The following TMPRSS11D variants were observed in gnomAD, a reference collection of about 807,000 sequenced individuals.
TMPRSS11D encodes transmembrane serine protease 11D.
Under a neutral mutation model 44.4 loss-of-function variants are expected in TMPRSS11D, and 32 were observed. The observed-to-expected ratio is 0.72, with a 90% CI of 0.54 to 0.97. The LOEUF (loss-of-function observed/expected upper bound fraction) is 0.97, where lower values mean the gene tolerates loss of function less well. TMPRSS11D is among the 50% of genes least tolerant of loss of function. TMPRSS11D has a pLI of 0.00. For missense variants in TMPRSS11D, 446 were observed against 502.6 expected (o/e 0.89, Z 1.08); for synonymous variants, 179 against 177.9 (o/e 1.01, Z -0.05).
chr4:67,847,369 C>G (rs1353349945), intron 3 of TMPRSS11D, among the ~76,000 whole-genome samples: 1 of 152,176 alleles, frequency 6.6e-6, no homozygotes, highest in Non-Finnish European at 1.5e-5. Flanking sequence ...CTGTCATTAT[C>G]TTACTGTTCA....
Position 67,883,986 on chromosome 4 carries a change from T to A in TMPRSS11D, c.-53A>T. ...TTCTGCCTACTCAACTGCTTTGAGA[T>A]TCCCACTCAAATGAATGACTCTCAT... On this transcript the variant is annotated 5_prime_UTR_variant, in exon 1 of 10. Transcript: ENST00000283916. 1.3e-6 allele frequency: 2 copies of A among 1,546,442 alleles called. No individual in the cohort carries two copies. Among genetic ancestry groups the A allele is most frequent in the African/African-American group, 1.4e-5 (1 of 72,338 alleles).
chr4:67,873,041 A>G (rs2109701385), intron 1 of TMPRSS11D, among the ~76,000 whole-genome samples: 1 of 152,326 alleles, frequency 6.6e-6, no homozygotes, highest in South Asian at 2.1e-4. Flanking sequence ...ACATATTTTC[A>G]TCAACTGTCA....
chr4:67,834,590 G>T (rs1718029087), intron 6 of TMPRSS11D, among the ~76,000 whole-genome samples: 1 of 152,130 alleles, frequency 6.6e-6, no homozygotes, highest in Non-Finnish European at 1.5e-5. Flanking sequence ...TACATAGGAT[G>T]ATGTTGAAGA....
chr4:67,846,748 A>C (rs1718367612), intron 3 of TMPRSS11D, among the ~76,000 whole-genome samples: 1 of 151,744 alleles, frequency 6.6e-6, no homozygotes. Flanking sequence ...CTTTTCTCCC[A>C]AATTTTTATG....
chr4:67,873,908 G>A (rs533488096), intron 1 of TMPRSS11D, among the ~76,000 whole-genome samples: 129 of 152,170 alleles, frequency 8.5e-4, no homozygotes, highest in African/African-American at 3.0e-3. Context: ...AATGTTCAAA[G>A]CCTTAACTTA....
chr4:67,850,582 C>T (rs1368142090), intron 3 of TMPRSS11D, among the ~76,000 whole-genome samples: 3 of 152,144 alleles, frequency 2.0e-5, no homozygotes, highest in Non-Finnish European at 2.9e-5. Context: ...CAGGGAAGCG[C>T]AGCAGCAAGG....
chr4:67,881,932 A>G (rs1232749498), intron 1 of TMPRSS11D, among the ~76,000 whole-genome samples: 1 of 152,304 alleles, frequency 6.6e-6, no homozygotes, highest in East Asian at 1.9e-4. Context: ...ATAAATCTTT[A>G]TCCTATTTCC....
At chr4:67,850,894 A>T (rs1205904379) in intron 3 of TMPRSS11D, among the ~76,000 whole-genome samples, 2 of 152,202 alleles carry the variant, frequency 1.3e-5, no homozygotes. Context: ...CAACTTATAG[A>T]TGACTGCACA....
At chr4:67,842,269 G>T (rs1047155509) in intron 4 of TMPRSS11D, among the ~76,000 whole-genome samples, 1 of 152,122 alleles carries the variant, frequency 6.6e-6, no homozygotes, top group Non-Finnish European at 1.5e-5. Context: ...GATATCCACT[G>T]GAGTTTTACA....
In TMPRSS11D at chr4:67,822,446, A is replaced by G; in HGVS notation, c.1148T>C (p.Ile383Thr). ...VQEDSRRLWF[I>T]VGIVSWGDQC... ...ATCTCCCCAGCTTACTATCCCCACAATAAACCAAAGCCGCCGTGAGTCTTC... is the reference window on the plus strand; with the variant it reads ...ATCTCCCCAGCTTACTATCCCCACAGTAAACCAAAGCCGCCGTGAGTCTTC... The change falls in exon 10 of 10, where the codon ATT becomes ACT. Residue 383 changes from isoleucine to threonine, a missense_variant. Coordinates refer to ENST00000283916, the MANE Select transcript of TMPRSS11D (RefSeq NM_004262.3). 1.2e-6 allele frequency: 2 copies of G among 1,613,926 alleles called. No individual in the cohort carries two copies. The highest frequency in any genetic ancestry group is 2.2e-5 in the East Asian group (1 of 44,862).
At chr4:67,841,431 C>T (rs561391606) in intron 4 of TMPRSS11D, among the ~76,000 whole-genome samples, 2 of 152,142 alleles carry the variant, frequency 1.3e-5, no homozygotes, top group Admixed American at 6.6e-5. Flanking sequence ...GAGTGACAGG[C>T]CAACAGGACC....
chr4:67,881,977 G>A (rs2109709061), intron 1 of TMPRSS11D, among the ~76,000 whole-genome samples: 1 of 152,170 alleles, frequency 6.6e-6, no homozygotes, highest in East Asian at 1.9e-4. Context: ...GTAATCTGGT[G>A]GGCACAGATA....
intron 4 of TMPRSS11D, among the ~76,000 whole-genome samples, chr4:67,839,412 C>G (rs2109670077): frequency 6.6e-6 from 1 of 152,016 alleles, no homozygotes; most frequent in East Asian, 1.9e-4. Context: ...ATAATAAATT[C>G]CATTTCAAAT....
chr4:67,846,318 A>G (rs1266597845), intron 3 of TMPRSS11D, among the ~76,000 whole-genome samples: 1 of 152,106 alleles, frequency 6.6e-6, no homozygotes, highest in Non-Finnish European at 1.5e-5. Flanking sequence ...CCATTATAAT[A>G]TATTTATGAA....
intron 7 of TMPRSS11D, among the ~76,000 whole-genome samples, chr4:67,827,981 T>G (rs1221267238): frequency 3.3e-5 from 5 of 151,986 alleles, no homozygotes; most frequent in Admixed American, 2.6e-4. Flanking sequence ...ATTCTTATCT[T>G]GTTAATGGAT....
At chr4:67,842,827 G>A (rs1301509103) in intron 3 of TMPRSS11D, among the ~76,000 whole-genome samples, 1 of 152,176 alleles carries the variant, frequency 6.6e-6, no homozygotes, top group Non-Finnish European at 1.5e-5. Flanking sequence ...TCCTTTATCT[G>A]TTATACAGAG....
At chr4:67,845,763 TA>T (rs531762696) in intron 3 of TMPRSS11D, among the ~76,000 whole-genome samples, 79 of 152,268 alleles carry the variant, frequency 5.2e-4, no homozygotes, top group Admixed American at 1.4e-3. Flanking sequence ...AAATCTAGAA[TA>T]GTCTAGAATC....
At chr4:67,827,017 T>G (rs1461123153) in intron 8 of TMPRSS11D, among the ~76,000 whole-genome samples, 1 of 152,110 alleles carries the variant, frequency 6.6e-6, no homozygotes, top group Admixed American at 6.6e-5. Flanking sequence ...AGAACTCGTG[T>G]CTTCATAACT....
intron 6 of TMPRSS11D, among the ~76,000 whole-genome samples, chr4:67,834,868 ACTT>A (rs1412219928): frequency 6.6e-6 from 1 of 152,100 alleles, no homozygotes; most frequent in Non-Finnish European, 1.5e-5. Context: ...CTCCACTACA[ACTT>A]CTTCCTTTTT....
Sources: allele counts gnomAD v4.1 joint callset (sites outside exome capture counted in the v4.1 genomes callset), GRCh38; gene constraint gnomAD v4.1.1; transcripts MANE v1.5; gene names NCBI Gene and HGNC (gene_info 2026-07-23, HGNC 2026-07-21).